Variants in MYO9B observed in about 807,000 individuals in gnomAD.
MYO9B encodes the protein unconventional myosin-IXb.
MYO9B carries 71 observed loss-of-function variants against 229.5 expected under a neutral mutation model. The observed-to-expected ratio is 0.31, with a 90% CI of 0.26 to 0.38. The LOEUF is 0.38. Among genes scored for constraint, MYO9B ranks in the 10% least tolerant of loss-of-function variants. MYO9B has a pLI of 1.00. For missense variants in MYO9B, 2,255 were observed against 2,920.5 expected (o/e 0.77, Z 5.25); for synonymous variants, 1,185 against 1,235.8 (o/e 0.96, Z 0.86).
chr19:17,108,704 CT>C (rs1244246289), intron 2 of MYO9B, among the ~76,000 whole-genome samples: 2 of 151,862 alleles, frequency 1.3e-5, no homozygotes, highest in Non-Finnish European at 2.9e-5. Flanking sequence ...TCTGTGCTAA[CT>C]TAAGAGTCAT....
chr19:17,105,778 C>T (rs979038183), intron 2 of MYO9B, among the ~76,000 whole-genome samples: 2 of 152,114 alleles, frequency 1.3e-5, no homozygotes, highest in African/African-American at 4.8e-5. Context: ...GTTCCTCTTC[C>T]TCTCTGAGGT....
intron 2 of MYO9B, among the ~76,000 whole-genome samples, chr19:17,142,126 C>G (rs1480705963): frequency 6.7e-6 from 1 of 149,246 alleles, no homozygotes; most frequent in Non-Finnish European, 1.5e-5. Flanking sequence ...TTGCAGTGAG[C>G]TATGATTACA....
chr19:17,134,603 T>C (rs2072246512), intron 2 of MYO9B, among the ~76,000 whole-genome samples: 1 of 151,562 alleles, frequency 6.6e-6, no homozygotes, highest in African/African-American at 2.4e-5. Context: ...GTTAACCAGG[T>C]TGGTGTCGAA....
intron 1 of MYO9B, among the ~76,000 whole-genome samples, chr19:17,079,402 C>T (rs919388899): frequency 3.3e-5 from 5 of 152,136 alleles, no homozygotes; most frequent in Non-Finnish European, 4.4e-5. Context: ...GTGCCCTTGT[C>T]TTTTCTTTGT....
At chr19:17,102,839 C>T (rs1453729137) in intron 2 of MYO9B, among the ~76,000 whole-genome samples, 3 of 150,068 alleles carry the variant, frequency 2.0e-5, no homozygotes, top group East Asian at 2.0e-4. Flanking sequence ...CCCAGGAGTT[C>T]GAGGCTTCAG....
chr19:17,102,397 T>C lies in MYO9B; in HGVS notation c.680T>C (p.Leu227Pro). ...ALADVAYYTM[L>P]RKRVNQCIVI... is the part of the protein sequence containing the mutation. ...GCCGACGTGGCCTACTACACCATGC[T>C]CAGGAAGCGCGTGAACCAGTGCATC... The change falls in exon 2 of 40, where the codon CTC becomes CCC. Residue 227 changes from leucine to proline, a missense_variant. This residue lies in a region of MYO9B where 386 missense variants were observed against 515.2 expected (regional missense o/e 0.75). Transcript: ENST00000682292. 1 of 1,613,854 alleles carries C rather than the reference T, an allele frequency of 6.2e-7. No individual in the cohort carries two copies. The highest frequency in any genetic ancestry group is 1.3e-5 in the African/African-American group (1 of 74,994).
chr19:17,212,424 CAA>C lies in MYO9B; in HGVS notation c.*115_*116del. 12 of 1,292,710 alleles carry C rather than the reference CAA, an allele frequency of 9.3e-6. No individual in the cohort carries two copies. Among genetic ancestry groups the C allele is most frequent in the Non-Finnish European group, 1.2e-5 (12 of 985,492 alleles). 80.1% of individuals were successfully genotyped at this position (1,292,710 alleles called of 1,614,324 possible). A position where few individuals can be genotyped will look rare whatever the true frequency, so the allele number is the denominator to read the frequency against. On this transcript the variant is annotated 3_prime_UTR_variant, in exon 40 of 40. Transcript: ENST00000682292. The surrounding 1 kb of genome is among the most constrained non-coding windows in gnomAD (Gnocchi z 5.4). ...AGAGAAGGATCCAGAATCAAAAGCT[CAA>C]GAGTGACGTGAGGTGGGCACCGGCC...
At chr19:17,103,657 C>G (rs1325592091) in intron 2 of MYO9B, 5 of 152,078 alleles carry the variant, frequency 3.3e-5, no homozygotes, top group Non-Finnish European at 7.3e-5. Flanking sequence ...ATATGGAAGG[C>G]AAGTCCCAAA....
intron 1 of MYO9B, among the ~76,000 whole-genome samples, chr19:17,097,736 C>G (rs180968588): frequency 5.7e-4 from 86 of 152,160 alleles, no homozygotes; most frequent in Admixed American, 3.9e-3. Context: ...CTCAGAGCCT[C>G]TAGTGGCCCT....
intron 2 of MYO9B, among the ~76,000 whole-genome samples, chr19:17,132,789 A>C (rs2072217972): frequency 6.6e-6 from 1 of 150,804 alleles, no homozygotes. Context: ...TGGCTTCCGA[A>C]GTGGTGGAAT....
At chr19:17,090,026 C>T (rs2057621449) in intron 1 of MYO9B, among the ~76,000 whole-genome samples, 1 of 150,852 alleles carries the variant, frequency 6.6e-6, no homozygotes, top group Admixed American at 6.6e-5. Context: ...AATGGAGTCA[C>T]ACCCCATATG....
intron 8 of MYO9B, among the ~76,000 whole-genome samples, chr19:17,161,907 G>T (rs2072606790): frequency 6.6e-6 from 1 of 151,710 alleles, no homozygotes; most frequent in Non-Finnish European, 1.5e-5. Flanking sequence ...AAGATTGCTT[G>T]AGCCCAGGAA....
At chr19:17,089,661 C>T (rs950207285) in intron 1 of MYO9B, among the ~76,000 whole-genome samples, 1 of 152,066 alleles carries the variant, frequency 6.6e-6, no homozygotes, top group Non-Finnish European at 1.5e-5. Context: ...TATGAGAACA[C>T]AAGGAAAAGG....
chr19:17,088,243 C>T (rs920155715), intron 1 of MYO9B, among the ~76,000 whole-genome samples: 8 of 152,152 alleles, frequency 5.3e-5, no homozygotes, highest in African/African-American at 1.7e-4. Context: ...ATTCACGTGC[C>T]GCCTTCTCTC....
Position 17,206,333 on chromosome 19 carries a change from C to G in MYO9B, c.5343C>G (p.Pro1781=). Reference sequence around the variant, plus strand: ...AGTGGCTGCGGGAGCTGCCCGAGCCCCTCATGACCTTCGCACAGTACGGCG... The same window carrying G: ...AGTGGCTGCGGGAGCTGCCCGAGCCGCTCATGACCTTCGCACAGTACGGCG... ...LKQWLRELPE[P]LMTFAQYGDF... Residue 1781 remains proline, a synonymous_variant, in exon 33 of 40, where the codon CCC becomes CCG. Coordinates refer to ENST00000682292, the MANE Select transcript of MYO9B (RefSeq NM_004145.4). 2 of 1,610,762 alleles carry G rather than the reference C, an allele frequency of 1.2e-6. No homozygotes were observed. The highest frequency in any genetic ancestry group is 1.7e-6 in the Non-Finnish European group (2 of 1,179,466).
chr19:17,096,308 G>A (rs377404629), intron 1 of MYO9B, among the ~76,000 whole-genome samples: 1 of 152,100 alleles, frequency 6.6e-6, no homozygotes, highest in African/African-American at 2.4e-5. Context: ...TCCTGAGAGG[G>A]GAATTGCAGG....
At chr19:17,142,527 C>CA (rs2072354442) in intron 2 of MYO9B, among the ~76,000 whole-genome samples, 2 of 152,062 alleles carry the variant, frequency 1.3e-5, no homozygotes, top group African/African-American at 4.8e-5. Context: ...TAGGGCTCCT[C>CA]AAGGGACCTT....
chr19:17,201,344 TG>T (rs1200969624), intron 26 of MYO9B, among the ~76,000 whole-genome samples: 1 of 124,352 alleles, frequency 8.0e-6, no homozygotes, highest in African/African-American at 3.0e-5. Context: ...TTATACCCCG[TG>T]GGGGTGGGGG....
chr19:17,134,592 C>T (rs770987588), intron 2 of MYO9B, among the ~76,000 whole-genome samples: 2 of 151,456 alleles, frequency 1.3e-5, no homozygotes, highest in African/African-American at 4.9e-5. Context: ...GATTTTACCA[C>T]GTTAACCAGG....
Sources: allele counts gnomAD v4.1 joint callset (sites outside exome capture counted in the v4.1 genomes callset), GRCh38; gene constraint gnomAD v4.1.1; regional missense constraint gnomAD v4.1.1; non-coding constraint Gnocchi (gnomAD v3.1); transcripts MANE v1.5; gene names NCBI Gene and HGNC (gene_info 2026-07-23, HGNC 2026-07-21).